The following SSH2 variants were observed in gnomAD, a reference collection of about 807,000 sequenced individuals.
SSH2 encodes slingshot protein phosphatase 2.
A neutral mutation model predicts 135.2 loss-of-function variants in SSH2; 37 were observed. The observed-to-expected ratio is 0.27, with a 90% CI of 0.21 to 0.36. SSH2 has a LOEUF of 0.36. Among genes scored for constraint, SSH2 ranks in the 10% least tolerant of loss-of-function variants. The pLI is 1.00. For synonymous variants in SSH2, 628 were observed against 646.2 expected, an observed-to-expected ratio of 0.97 and a Z score of 0.43; for missense variants, 1,408 against 1,765.3, an observed-to-expected ratio of 0.80 and a Z score of 3.63.
At chr17:29,705,506 C>T (rs568996800) in intron 3 of SSH2, among the ~76,000 whole-genome samples, 11 of 152,128 alleles carry the variant, frequency 7.2e-5, no homozygotes, top group Non-Finnish European at 1.5e-4. Context: ...CTTCTGCCCT[C>T]GATTATCTAT....
intron 3 of SSH2, among the ~76,000 whole-genome samples, chr17:29,718,282 G>A (rs1369018954): frequency 2.6e-5 from 4 of 151,956 alleles, no homozygotes; most frequent in East Asian, 1.9e-4. Context: ...TGTCTTCCAC[G>A]ATTTCGTCAC....
At chr17:29,650,980 G>A (rs2036558367) in intron 12 of SSH2, among the ~76,000 whole-genome samples, 180 bp from the exon 13 acceptor site, 1 of 152,190 alleles carries the variant, frequency 6.6e-6, no homozygotes, top group East Asian at 1.9e-4. Context: ...ATACAGCAGG[G>A]TTCCTGGGCA....
intron 1 of SSH2, among the ~76,000 whole-genome samples, chr17:29,920,029 C>T (rs1394902312): frequency 6.6e-6 from 1 of 152,150 alleles, no homozygotes; most frequent in African/African-American, 2.4e-5. Flanking sequence ...GCCTCAGCCT[C>T]CCGAGTAGCT....
intron 3 of SSH2, among the ~76,000 whole-genome samples, chr17:29,751,120 G>C (rs2040926206): frequency 6.6e-6 from 1 of 152,044 alleles, no homozygotes; most frequent in South Asian, 2.1e-4. Context: ...CTTCAAAGTA[G>C]AGAGTACACT....
intron 6 of SSH2, among the ~76,000 whole-genome samples, chr17:29,684,163 A>AACTGC (rs1441175603): frequency 6.6e-6 from 1 of 152,146 alleles, no homozygotes; most frequent in Non-Finnish European, 1.5e-5. Flanking sequence ...TTAACAGCAG[A>AACTGC]ACTGCACAAG....
rs758765686 is a variant in SSH2, at chr17:29,636,388, G to T, written c.1842C>A (p.Asn614Lys). The T allele has an allele frequency of 2.5e-5, 40 of 1,614,032 alleles. No homozygotes were observed. Among genetic ancestry groups the T allele is most frequent in the Non-Finnish European group, 3.3e-5 (39 of 1,180,020 alleles). ...CTTCCACTGTTAAGTCTGGAAACTTGTTGGCCATTTCTGGGACATGTCCAG... is the reference window on the plus strand; with the variant it reads ...CTTCCACTGTTAAGTCTGGAAACTTTTTGGCCATTTCTGGGACATGTCCAG... ...IQPGHVPEMA[N>K]KFPDLTVEDL... Residue 614 changes from asparagine to lysine, a missense_variant, in exon 15 of 16, where the codon AAC (asparagine) becomes AAA (lysine). Transcript: ENST00000540801.
At chr17:29,647,736 C>G (rs1755725966) in intron 14 of SSH2, 1 of 204,922 alleles carries the variant, frequency 4.9e-6, no homozygotes, top group Non-Finnish European at 1.0e-5. Flanking sequence ...AATCTCAGCT[C>G]ACTGCAACCT....
At chr17:29,708,942 C>T (rs1463820584) in intron 3 of SSH2, among the ~76,000 whole-genome samples, 1 of 146,848 alleles carries the variant, frequency 6.8e-6, no homozygotes, top group Non-Finnish European at 1.5e-5. Context: ...CTATGCTTCT[C>T]TTTGCCATAG....
chr17:29,727,213 C>T lies in SSH2; in HGVS notation c.189-24151G>A, dbSNP rs143926090. 4.2e-3 allele frequency among the ~76,000 whole-genome samples: 638 copies of T among 152,224 alleles called. 5 individuals are homozygous for T. Among genetic ancestry groups the T allele is most frequent in the African/African-American group, 0.014 (602 of 41,542 alleles). ...TAAGTTCTGAAACTACCATTTTAAA[C>T]CAATAATAGACAAAGAAAGTTCAGT... is the stretch of plus-strand genomic sequence containing the variant. On this transcript the variant is annotated intron_variant, in intron 3 of 15. Coordinates refer to ENST00000540801, the MANE Select transcript of SSH2 (RefSeq NM_001282129.2).
intron 5 of SSH2, among the ~76,000 whole-genome samples, chr17:29,688,065 C>T (rs899977990): frequency 2.7e-5 from 4 of 150,856 alleles, no homozygotes; most frequent in African/African-American, 9.8e-5. Flanking sequence ...GGCTGGAGTG[C>T]AGTGGTGTGA....
At chr17:29,858,469 C>G (rs961875908) in intron 1 of SSH2, among the ~76,000 whole-genome samples, 12 of 152,090 alleles carry the variant, frequency 7.9e-5, no homozygotes, top group South Asian at 2.1e-4. Flanking sequence ...GGAAACGGAG[C>G]CTTTAAAGAG....
chr17:29,727,063 C>G (rs1245339855), intron 3 of SSH2, among the ~76,000 whole-genome samples: 1 of 152,212 alleles, frequency 6.6e-6, no homozygotes, highest in African/African-American at 2.4e-5. Context: ...AGGCATCAAA[C>G]TTACAGCATT....
At chr17:29,681,864 G>C (rs954232155) in intron 6 of SSH2, among the ~76,000 whole-genome samples, 4 of 152,146 alleles carry the variant, frequency 2.6e-5, no homozygotes, top group African/African-American at 9.7e-5. Flanking sequence ...AGACAGAAAT[G>C]ATTTTAGATT....
At chr17:29,921,515 A>G (rs2066975895) in intron 1 of SSH2, among the ~76,000 whole-genome samples, 1 of 152,090 alleles carries the variant, frequency 6.6e-6, no homozygotes, top group Non-Finnish European at 1.5e-5. Flanking sequence ...CAGTAGAAGA[A>G]CTCAAAATAG....
intron 3 of SSH2, among the ~76,000 whole-genome samples, chr17:29,741,193 A>C (rs775005525): frequency 3.3e-5 from 5 of 152,162 alleles, no homozygotes; most frequent in Non-Finnish European, 7.3e-5. Flanking sequence ...ATTTTTAAAA[A>C]CTTTTATTTA....
At chr17:29,785,376 G>T (rs1359736788) in intron 3 of SSH2, among the ~76,000 whole-genome samples, 1 of 151,454 alleles carries the variant, frequency 6.6e-6, no homozygotes, top group East Asian at 1.9e-4. Context: ...TCCTGAGATT[G>T]CAAGATATAT....
intron 3 of SSH2, among the ~76,000 whole-genome samples, chr17:29,764,331 T>C (rs2041395708): frequency 6.6e-6 from 1 of 152,252 alleles, no homozygotes; most frequent in Non-Finnish European, 1.5e-5. Context: ...TTTGTGCTAC[T>C]GTATGTTTTT....
At chr17:29,849,062 G>C (rs1341885518) in intron 1 of SSH2, 133 bp from the exon 2 acceptor site, 3 of 556,688 alleles carry the variant, frequency 5.4e-6, no homozygotes, top group African/African-American at 3.7e-5. Flanking sequence ...ATTAGTGATG[G>C]CTATTTTGAG....
In SSH2 at chr17:29,853,485, G is replaced by A. The variant is rs117771726; in HGVS notation, c.64-4556C>T. On this transcript the variant is annotated intron_variant, in intron 1 of 15. Coordinates refer to ENST00000540801, the MANE Select transcript of SSH2 (RefSeq NM_001282129.2). ...GTAAATTCCCTCAATGTTTCTTCTA[G>A]CATGAAGGTGGTGATCTTCCCCAGT... Among the ~76,000 whole-genome samples, 20 of 151,916 alleles carry A rather than the reference G, an allele frequency of 1.3e-4. No homozygotes were observed. In the East Asian group the frequency reaches 3.3e-3, roughly 25 times the overall value.
Sources: allele counts gnomAD v4.1 joint callset (sites outside exome capture counted in the v4.1 genomes callset), GRCh38; gene constraint gnomAD v4.1.1; transcripts MANE v1.5; gene names NCBI Gene and HGNC (gene_info 2026-07-23, HGNC 2026-07-21).